The following CIITA variants were observed in gnomAD, a reference collection of about 807,000 sequenced individuals.
The protein encoded by CIITA is MHC class II transactivator.
In CIITA, 72 loss-of-function variants were observed where a neutral mutation model predicts 115.1. The ratio of observed to expected loss-of-function variants is 0.63; its 90% CI spans 0.52 to 0.76. The LOEUF is 0.76. CIITA is among the 30% of genes least tolerant of loss of function. The pLI, the probability that CIITA is intolerant of heterozygous loss-of-function variation, is 0.00. For synonymous variants in CIITA, 763 were observed against 635.6 expected (o/e 1.20, Z -3.02); for missense variants, 1,617 against 1,463.8 (o/e 1.10, Z -1.71).
chr16:10,918,638 C>A, intron 16 of CIITA, 112 bp downstream of exon 16: 1 of 842,368 alleles, frequency 1.2e-6, no homozygotes, highest in Non-Finnish European at 1.9e-6. Flanking sequence ...GCAATCACCA[C>A]AGCCCTGAAC....
chr16:10,878,173 T>C (rs1452811279), intron 1 of CIITA, among the ~76,000 whole-genome samples: 1 of 152,122 alleles, frequency 6.6e-6, no homozygotes, highest in Admixed American at 6.5e-5. Context: ...TGTTGTTGGA[T>C]GGTTAAAGGG....
intron 13 of CIITA, chr16:10,913,298 T>C (rs1204423286): frequency 1.3e-5 from 2 of 152,424 alleles, no homozygotes; most frequent in African/African-American, 4.8e-5. Flanking sequence ...TTTCCCTTTC[T>C]TTCTTTCTTT....
intron 1 of CIITA, among the ~76,000 whole-genome samples, chr16:10,887,243 T>G (rs576579809): frequency 2.0e-5 from 3 of 151,222 alleles, no homozygotes; most frequent in Admixed American, 6.6e-5. Context: ...AGGTTGGTGT[T>G]GGGGGGGGCC....
chr16:10,903,222 CTGATTTGT>C (rs1232265912), intron 8 of CIITA, among the ~76,000 whole-genome samples: 2 of 152,150 alleles, frequency 1.3e-5, no homozygotes, highest in African/African-American at 2.4e-5. Flanking sequence ...ATAGCTTTCT[CTGATTTGT>C]CTTGTTTCCT....
At chr16:10,918,875 C>T (rs1444499703) in intron 16 of CIITA, among the ~76,000 whole-genome samples, 1 of 152,204 alleles carries the variant, frequency 6.6e-6, no homozygotes. Flanking sequence ...AGGCTAACCA[C>T]GTACGTCAGC....
Position 10,879,984 on chromosome 16 carries a change from G to C in CIITA, c.52+2602G>C, listed in dbSNP as rs867006310. ...CTGGAGTGTCTAACTTTGGCAGGAA[G>C]TCTTCCGTTTCTGCTCCCCACTCCA... is the stretch of plus-strand genomic sequence containing the variant. On this transcript the variant is annotated intron_variant, in intron 1 of 19. Transcript: ENST00000324288. The surrounding 1 kb of genome is among the most constrained non-coding windows in gnomAD (Gnocchi z 4.3). 6.6e-6 allele frequency among the ~76,000 whole-genome samples: 1 copy of C among 152,202 alleles called. No homozygotes were observed. The highest frequency in any genetic ancestry group is 2.1e-4 in the South Asian group (1 of 4,834).
intron 10 of CIITA, among the ~76,000 whole-genome samples, chr16:10,905,533 G>A (rs2144667205): frequency 6.6e-6 from 1 of 152,244 alleles, no homozygotes; most frequent in Non-Finnish European, 1.5e-5. Flanking sequence ...GGCCAAGGCA[G>A]GTGGATCACC....
At chr16:10,914,610 G>A (rs995714131) in intron 13 of CIITA, among the ~76,000 whole-genome samples, 5 of 151,966 alleles carry the variant, frequency 3.3e-5, no homozygotes, top group Admixed American at 2.6e-4. Flanking sequence ...TAAACTAAAC[G>A]GCCCTTCGTT....
Position 10,934,137 on chromosome 16 carries a change from G to C in CIITA, c.*10282G>C, listed in dbSNP as rs951029044. 1 of 152,230 alleles carries C rather than the reference G, an allele frequency of 6.6e-6. No individual in the cohort carries two copies. The highest frequency in any genetic ancestry group is 2.4e-5 in the African/African-American group (1 of 41,446). The allele number at this position is 152,230 out of a possible 1,614,324, so 9.4% of individuals were successfully genotyped here. ...CCTGGTCTACCACGTGCCTCCAGCT[G>C]GTCACGCCCAAGACTCCCTGAGCCC... On this transcript the variant is annotated 3_prime_UTR_variant, in exon 20 of 20. Transcript: ENST00000324288. The surrounding 1 kb of genome is among the most constrained non-coding windows in gnomAD (Gnocchi z 4.2).
intron 3 of CIITA, among the ~76,000 whole-genome samples, chr16:10,896,830 T>C (rs1184586621): frequency 6.6e-6 from 1 of 152,244 alleles, no homozygotes; most frequent in Non-Finnish European, 1.5e-5. Context: ...CAGAGCACAG[T>C]GTATTGAAAA....
intron 1 of CIITA, among the ~76,000 whole-genome samples, chr16:10,882,833 A>C (rs2143718096): frequency 6.6e-6 from 1 of 151,712 alleles, no homozygotes; most frequent in East Asian, 1.9e-4. Context: ...GGAGGCGGAG[A>C]TTGCGGTGAG....
Position 10,925,227 on chromosome 16 carries a change from G to A in CIITA, c.*1372G>A, listed in dbSNP as rs567140584. 6.6e-6 allele frequency: 1 copy of A among 152,358 alleles called. No individual in the cohort carries two copies. The highest frequency in any genetic ancestry group is 2.4e-5 in the African/African-American group (1 of 41,560). The allele number at this position is 152,358 out of a possible 1,614,324, so 9.4% of individuals were successfully genotyped here. On this transcript the variant is annotated 3_prime_UTR_variant, in exon 20 of 20. Transcript: ENST00000324288. ...CATAGTATGGTGGCTGGGTTGGAGGGTGTCCCAAAAAGAAAGGAGGGGATA... is the reference window on the plus strand; with the variant it reads ...CATAGTATGGTGGCTGGGTTGGAGGATGTCCCAAAAAGAAAGGAGGGGATA...
chr16:10,936,921 C>T (rs966155762), downstream of CIITA: 1 of 152,220 alleles, frequency 6.6e-6, no homozygotes, highest in Non-Finnish European at 1.5e-5. Context: ...GGAAAGCTAG[C>T]AGATAAACCA....
chr16:10,930,780 G>C lies in CIITA; in HGVS notation c.*6925G>C, dbSNP rs1256681120. ...CTCCACTCACTCTTCCTTGCAGGTC[G>C]ACCTGCCCTTCTTTGCTGAGGCCTT... On this transcript the variant is annotated 3_prime_UTR_variant, in exon 20 of 20. Coordinates refer to ENST00000324288, the MANE Select transcript of CIITA (RefSeq NM_000246.4). The C allele has an allele frequency of 1.3e-5, 2 of 152,258 alleles. No homozygotes were observed. The highest frequency in any genetic ancestry group is 2.9e-5 in the Non-Finnish European group (2 of 68,114). 9.4% of individuals were successfully genotyped at this position (152,258 alleles called of 1,614,324 possible). A position where few individuals can be genotyped will look rare whatever the true frequency, so the allele number is the denominator to read the frequency against.
In CIITA at chr16:10,901,620, G is replaced by C. The variant is rs2038762781; in HGVS notation, c.481+62G>C. 6.5e-7 allele frequency: 1 copy of C among 1,541,880 alleles called. No individual in the cohort carries two copies. The highest frequency in any genetic ancestry group is 8.9e-7 in the Non-Finnish European group (1 of 1,122,288). On this transcript the variant is annotated intron_variant, in intron 6 of 19. Coordinates refer to ENST00000324288, the MANE Select transcript of CIITA (RefSeq NM_000246.4). The surrounding 1 kb of genome is among the most constrained non-coding windows in gnomAD (Gnocchi z 6.8). ...GATGCCTTGGGGAGGGGATGGAAGA[G>C]ATTGAACTCCTGGCCCAAGTCTGAT... is the stretch of plus-strand genomic sequence containing the variant.
intron 1 of CIITA, among the ~76,000 whole-genome samples, chr16:10,885,463 C>T (rs1401340338): frequency 2.0e-5 from 3 of 152,212 alleles, no homozygotes; most frequent in Non-Finnish European, 2.9e-5. Flanking sequence ...AGTGTTGCTA[C>T]ATGCCTTAGT....
chr16:10,911,961 C>G (rs1265163188), intron 13 of CIITA, among the ~76,000 whole-genome samples: 1 of 152,192 alleles, frequency 6.6e-6, no homozygotes, highest in Non-Finnish European at 1.5e-5. Context: ...ATGCTGAGAA[C>G]AAGAGACTTT....
Position 10,877,281 on chromosome 16 carries a change from G to T in CIITA, c.-50G>T. On this transcript the variant is annotated 5_prime_UTR_variant, in exon 1 of 20. Transcript: ENST00000324288. ...TCCTTGGGGAAGCTGAGGGCACGAG[G>T]AGGGGCTGCCAGACTCCGGGAGCTG... 1 of 1,586,596 alleles carries T rather than the reference G, an allele frequency of 6.3e-7. No individual in the cohort carries two copies. Among genetic ancestry groups the T allele is most frequent in the East Asian group, 2.3e-5 (1 of 44,118 alleles).
At chr16:10,885,181 C>A (rs892420854) in intron 1 of CIITA, among the ~76,000 whole-genome samples, 1 of 152,178 alleles carries the variant, frequency 6.6e-6, no homozygotes, top group African/African-American at 2.4e-5. Flanking sequence ...ATAGGCCTAT[C>A]GACTGGATTC....
Sources: allele counts gnomAD v4.1 joint callset (sites outside exome capture counted in the v4.1 genomes callset), GRCh38; gene constraint gnomAD v4.1.1; non-coding constraint Gnocchi (gnomAD v3.1); transcripts MANE v1.5; gene names NCBI Gene and HGNC (gene_info 2026-07-23, HGNC 2026-07-21).